The following ARHGEF9 variants were observed in gnomAD, a reference collection of about 807,000 sequenced individuals.
ARHGEF9 encodes rho guanine nucleotide exchange factor 9.
A neutral mutation model predicts 41.3 loss-of-function variants in ARHGEF9; 2 were observed. The ratio of observed to expected loss-of-function variants is 0.05; its 90% CI spans 0.02 to 0.15. The LOEUF (loss-of-function observed/expected upper bound fraction) is 0.15, where lower values mean the gene tolerates loss of function less well. ARHGEF9 is among the 10% of genes least tolerant of loss of function. The pLI is 1.00. For synonymous variants in ARHGEF9, 160 were observed against 154.4 expected, an observed-to-expected ratio of 1.04 and a Z score of -0.27; for missense variants, 225 against 424.7, an observed-to-expected ratio of 0.53 and a Z score of 4.13.
At chrX:63,775,056 C>A (rs1297656835) in intron 1 of ARHGEF9, among the ~76,000 whole-genome samples, 1 of 111,861 alleles carries the variant, frequency 8.9e-6, no homozygotes, top group East Asian at 2.8e-4. Context: ...TACATGTGGC[C>A]AAGAAGCATA....
intron 1 of ARHGEF9, among the ~76,000 whole-genome samples, chrX:63,773,791 G>T (rs782676462): frequency 9.0e-6 from 1 of 110,888 alleles, no homozygotes; most frequent in South Asian, 3.8e-4. Context: ...CAAGTAAAGG[G>T]GAATTCCTCC....
At position 63,708,982 on chromosome X, in the gene ARHGEF9, C is replaced by G. The variant is rs782030083; in HGVS notation, c.211-2533G>C. ...CCTCTAAGTCCTCTGCTCTTGAGAGCTTATCTGTTCTGTACAGAGGAAGGT... is the reference window on the plus strand; with the variant it reads ...CCTCTAAGTCCTCTGCTCTTGAGAGGTTATCTGTTCTGTACAGAGGAAGGT... On this transcript the variant is annotated intron_variant, in intron 2 of 9. Coordinates refer to ENST00000671741, the MANE Select transcript of ARHGEF9 (RefSeq NM_001353921.2). Among the ~76,000 whole-genome samples the G allele has an allele frequency of 4.5e-5, 5 of 112,057 alleles. No homozygotes were observed. In the South Asian group the frequency reaches 1.9e-3, roughly 42 times the overall value.
intron 1 of ARHGEF9, chrX:63,755,390 G>T: frequency 2.9e-6 from 1 of 347,991 alleles, no homozygotes; most frequent in Non-Finnish European, 4.6e-6. Context: ...TCTTGGGGGC[G>T]GATAGAGGGG....
intron 4 of ARHGEF9, among the ~76,000 whole-genome samples, chrX:63,679,665 C>T (rs1218325481): frequency 9.0e-6 from 1 of 111,364 alleles, no homozygotes; most frequent in Non-Finnish European, 1.9e-5. Context: ...ATGACAAAGA[C>T]ATCAGCAAAC....
At chrX:63,675,819 G>A (rs1170295911) in intron 5 of ARHGEF9, among the ~76,000 whole-genome samples, 2 of 111,345 alleles carry the variant, frequency 1.8e-5, no homozygotes, top group African/African-American at 6.5e-5. Context: ...TGGCTCTTGG[G>A]AAAGGCAGAT....
At chrX:63,703,056 A>G (rs781988250) in intron 3 of ARHGEF9, 5 of 111,908 alleles carry the variant, frequency 4.5e-5, no homozygotes, top group Non-Finnish European at 9.4e-5. Flanking sequence ...AGATTACACA[A>G]TCCTGGGCTA....
chrX:63,693,009 G>C (rs1195088754), intron 4 of ARHGEF9, among the ~76,000 whole-genome samples: 2 of 111,678 alleles, frequency 1.8e-5, no homozygotes, highest in Non-Finnish European at 3.8e-5. Flanking sequence ...GGCTATCAAA[G>C]TTGATCTCAT....
At chrX:63,735,595 T>C (rs1174887313) in intron 1 of ARHGEF9, among the ~76,000 whole-genome samples, 1 of 111,900 alleles carries the variant, frequency 8.9e-6, no homozygotes, top group East Asian at 2.8e-4. Flanking sequence ...CGTCGTTAAA[T>C]GTGACCATCT....
At chrX:63,645,809 C>T (rs1438779371) in intron 8 of ARHGEF9, among the ~76,000 whole-genome samples, 2 of 111,986 alleles carry the variant, frequency 1.8e-5, no homozygotes, top group Admixed American at 9.5e-5. Context: ...ACCACACTGA[C>T]TTCCACAATG....
At chrX:63,744,397 C>A (rs1432044248) in intron 1 of ARHGEF9, among the ~76,000 whole-genome samples, 3 of 111,929 alleles carry the variant, frequency 2.7e-5, no homozygotes, top group Non-Finnish European at 5.6e-5. Flanking sequence ...GGGGCAAGTC[C>A]TTTTCTTCTC....
intron 5 of ARHGEF9, among the ~76,000 whole-genome samples, chrX:63,675,280 A>G (rs1556360766): frequency 1.8e-5 from 2 of 112,093 alleles, no homozygotes; most frequent in African/African-American, 6.5e-5. Flanking sequence ...AGCCTCACAC[A>G]TGACACAGTA....
intron 4 of ARHGEF9, among the ~76,000 whole-genome samples, chrX:63,692,567 T>A (rs1452675478): frequency 6.2e-5 from 7 of 112,120 alleles, no homozygotes; most frequent in Non-Finnish European, 1.3e-4. Context: ...TAACAAATGC[T>A]GAAGAGGATG....
intron 4 of ARHGEF9, among the ~76,000 whole-genome samples, chrX:63,681,356 A>G (rs1556369178): frequency 8.9e-6 from 1 of 111,999 alleles, no homozygotes; most frequent in African/African-American, 3.2e-5. Flanking sequence ...TATACCACAA[A>G]ATAAGTCTTA....
chrX:63,643,904 A>G, intron 9 of ARHGEF9, 76 bp downstream of exon 9: 1 of 1,082,136 alleles, frequency 9.2e-7, no homozygotes, highest in South Asian at 2.0e-5. Flanking sequence ...TCAGCACAGA[A>G]ATGGGCCTAA....
chrX:63,783,533 G>A (rs1313737418), intron 1 of ARHGEF9, among the ~76,000 whole-genome samples: 1 of 111,930 alleles, frequency 8.9e-6, no homozygotes, highest in African/African-American at 3.3e-5. Flanking sequence ...TGGGATTACA[G>A]GCGTGGGCGG....
rs1461096181 is a variant in ARHGEF9, at chrX:63,635,013, C to G, written c.*3015G>C. ...GAACTCCATAAATATTTTCATAAGG[C>G]TTTGTGTCATTACAACATTTTTTTT... On this transcript the variant is annotated 3_prime_UTR_variant, in exon 10 of 10. Transcript: ENST00000671741. The G allele has an allele frequency of 1.2e-5, 3 of 240,194 alleles. No homozygotes were observed. The highest frequency in any genetic ancestry group is 8.9e-5 in the African/African-American group (3 of 33,600). The allele number at this position is 240,194 out of a possible 1,213,427, so 19.8% of individuals were successfully genotyped here.
At chrX:63,734,224 C>A (rs1288694080) in intron 1 of ARHGEF9, among the ~76,000 whole-genome samples, 1 of 111,652 alleles carries the variant, frequency 9.0e-6, no homozygotes, top group Non-Finnish European at 1.9e-5. Flanking sequence ...GCCAAATGGG[C>A]CAAGGATTGC....
At chrX:63,702,582 C>T (rs2052256906) in intron 3 of ARHGEF9, among the ~76,000 whole-genome samples, 1 of 112,040 alleles carries the variant, frequency 8.9e-6, no homozygotes, top group Non-Finnish European at 1.9e-5. Context: ...AAAAGAATGT[C>T]CTCTAATAAA....
intron 6 of ARHGEF9, among the ~76,000 whole-genome samples, chrX:63,668,327 G>C (rs781948642): frequency 7.2e-5 from 8 of 110,454 alleles, no homozygotes; most frequent in South Asian, 3.9e-4. Flanking sequence ...TAGTAGAGAT[G>C]ATTTTTTGCT....
Sources: allele counts gnomAD v4.1 joint callset (sites outside exome capture counted in the v4.1 genomes callset), GRCh38; gene constraint gnomAD v4.1.1; transcripts MANE v1.5; gene names NCBI Gene and HGNC (gene_info 2026-07-23, HGNC 2026-07-21).